Variants in RGL1 observed in about 807,000 individuals in gnomAD.
RGL1 encodes the protein ral guanine nucleotide dissociation stimulator-like 1.
A neutral mutation model predicts 95.2 loss-of-function variants in RGL1; 24 were observed. The ratio of observed to expected loss-of-function variants is 0.25; its 90% CI spans 0.18 to 0.35. The LOEUF is 0.35. RGL1 is among the 10% of genes least tolerant of loss of function. RGL1 has a pLI of 1.00. For synonymous variants in RGL1, 329 were observed against 344.9 expected (o/e 0.95, Z 0.51); for missense variants, 715 against 936.3 (o/e 0.76, Z 3.08).
intron 2 of RGL1, among the ~76,000 whole-genome samples, chr1:183,744,692 C>T (rs550453135): frequency 6.6e-6 from 1 of 152,214 alleles, no homozygotes; most frequent in East Asian, 1.9e-4. Flanking sequence ...ACTTCTACAG[C>T]TTGTTTTTTT....
intron 1 of RGL1, among the ~76,000 whole-genome samples, chr1:183,702,673 A>T (rs1654670499): frequency 6.6e-6 from 1 of 152,174 alleles, no homozygotes; most frequent in South Asian, 2.1e-4. Context: ...GATTGGTGTT[A>T]TGACTCATGG....
At chr1:183,912,867 C>T (rs557459023) in intron 15 of RGL1, among the ~76,000 whole-genome samples, 1 of 152,290 alleles carries the variant, frequency 6.6e-6, no homozygotes, top group Admixed American at 6.5e-5. Flanking sequence ...ATATGTCAAG[C>T]CTTTACTTGA....
At position 183,770,171 on chromosome 1, in the gene RGL1, G is replaced by A. The variant is rs185822083; in HGVS notation, c.132+27882G>A. Among the ~76,000 whole-genome samples, 24 of 152,242 alleles carry A rather than the reference G, an allele frequency of 1.6e-4. No homozygotes were observed. The East Asian group carries it at 4.6e-3, about 29-fold the overall frequency. ...GTTGGGCTTGTTTAACCTGCAAAAG[G>A]AAACTCCTTCAGAATTCCCCTAATT... On this transcript the variant is annotated intron_variant, in intron 2 of 18. Transcript: ENST00000304685.
At chr1:183,702,145 A>G (rs78726565) in intron 1 of RGL1, among the ~76,000 whole-genome samples, 1,889 of 152,332 alleles carry the variant, frequency 0.012, 48 homozygotes, top group African/African-American at 0.044. Context: ...TCACTAAAGT[A>G]GGACCATTGT....
At chr1:183,740,416 A>T (rs922377628) in intron 1 of RGL1, among the ~76,000 whole-genome samples, 6 of 152,220 alleles carry the variant, frequency 3.9e-5, no homozygotes, top group African/African-American at 1.4e-4. Flanking sequence ...TTACAGATGG[A>T]GCATGGGAAG....
intron 2 of RGL1, among the ~76,000 whole-genome samples, chr1:183,826,534 G>T (rs1558231748): frequency 6.6e-6 from 1 of 152,118 alleles, no homozygotes; most frequent in Non-Finnish European, 1.5e-5. Context: ...GAAGACACGT[G>T]ATTATTTGTG....
intron 2 of RGL1, among the ~76,000 whole-genome samples, chr1:183,756,288 T>C (rs1658335147): frequency 6.6e-6 from 1 of 151,876 alleles, no homozygotes; most frequent in Non-Finnish European, 1.5e-5. Flanking sequence ...AGGTAGAAAC[T>C]AGCCTGGCAA....
At chr1:183,747,015 A>C (rs190883915) in intron 2 of RGL1, among the ~76,000 whole-genome samples, 1 of 152,094 alleles carries the variant, frequency 6.6e-6, no homozygotes, top group East Asian at 1.9e-4. Flanking sequence ...ATTGTATTCC[A>C]TGGTGTATAT....
At chr1:183,899,058 G>A (rs574044862) in intron 10 of RGL1, among the ~76,000 whole-genome samples, 2 of 152,172 alleles carry the variant, frequency 1.3e-5, no homozygotes, top group African/African-American at 4.8e-5. Context: ...AATGAATATA[G>A]TGTATCCCTG....
chr1:183,887,335 A>G (rs1331243992), intron 7 of RGL1, among the ~76,000 whole-genome samples: 1 of 151,646 alleles, frequency 6.6e-6, no homozygotes, highest in Non-Finnish European at 1.5e-5. Flanking sequence ...TTTGTTTGGC[A>G]TAGTTTTCAG....
intron 4 of RGL1, among the ~76,000 whole-genome samples, chr1:183,878,717 AAT>A (rs1289428045): frequency 2.0e-5 from 3 of 152,182 alleles, no homozygotes; most frequent in Non-Finnish European, 4.4e-5. Flanking sequence ...AGAAGTGAAT[AAT>A]ATATTAGCAT....
At chr1:183,883,992 G>A in intron 6 of RGL1, 82 bp downstream of exon 6, 1 of 1,430,524 alleles carries the variant, frequency 7.0e-7, no homozygotes. Flanking sequence ...TGACAGCAGT[G>A]GGATAATGTG....
chr1:183,777,938 T>C (rs1191542179), intron 2 of RGL1, among the ~76,000 whole-genome samples: 3 of 152,186 alleles, frequency 2.0e-5, no homozygotes, highest in Non-Finnish European at 4.4e-5. Context: ...ACTGAGAAAA[T>C]TAACATCTCA....
At chr1:183,910,768 C>T (rs1332993732) in intron 14 of RGL1, among the ~76,000 whole-genome samples, 1 of 152,142 alleles carries the variant, frequency 6.6e-6, no homozygotes, top group Non-Finnish European at 1.5e-5. Context: ...CCACCTTTTT[C>T]ACTTAGAGGT....
At chr1:183,838,016 A>C (rs1166012136) in intron 2 of RGL1, among the ~76,000 whole-genome samples, 1 of 152,196 alleles carries the variant, frequency 6.6e-6, no homozygotes, top group African/African-American at 2.4e-5. Flanking sequence ...AACAGGCCAT[A>C]GACTGCTACT....
intron 1 of RGL1, among the ~76,000 whole-genome samples, chr1:183,641,562 C>T (rs912522185): frequency 1.8e-4 from 28 of 152,126 alleles, no homozygotes; most frequent in African/African-American, 6.8e-4. Context: ...GAGCCCCCCC[C>T]ACCATACCTG....
At position 183,912,123 on chromosome 1, in the gene RGL1, C is replaced by A. The variant is rs1245298411; in HGVS notation, c.1604C>A (p.Thr535Asn). The change falls in exon 15 of 18, where the codon ACC becomes AAC. Residue 535 changes from threonine (T) to asparagine (N), a missense_variant. By Grantham distance (65) the Thr-to-Asn change is moderately conservative. Coordinates refer to ENST00000360851, the MANE Select transcript of RGL1 (RefSeq NM_001297671.3). ...GACATGATCACCAGTCCCACTCCCA[C>A]CAAAGAGCAGCCCAAGTCCACTGCC... Reference protein sequence around the residue: ...GSDMITSPTPTKEQPKSTASG... With the variant: ...GSDMITSPTPNKEQPKSTASG... The A allele has an allele frequency of 6.2e-7, 1 of 1,614,098 alleles. No individual in the cohort carries two copies. The highest frequency in any genetic ancestry group is 8.5e-7 in the Non-Finnish European group (1 of 1,179,994).
At chr1:183,739,102 A>C (rs762379888) in intron 1 of RGL1, among the ~76,000 whole-genome samples, 30 of 152,238 alleles carry the variant, frequency 2.0e-4, no homozygotes, top group Non-Finnish European at 3.4e-4. Context: ...TCTTCTGAGC[A>C]TGGGGCCCTG....
chr1:183,820,003 T>A (rs1380015458), intron 2 of RGL1, among the ~76,000 whole-genome samples: 4 of 152,056 alleles, frequency 2.6e-5, no homozygotes, highest in Non-Finnish European at 5.9e-5. Flanking sequence ...CCCAAGCTTG[T>A]CTTGAACTCC....
Sources: gnomAD v4.1 joint callset for allele counts (sites outside exome capture counted in the v4.1 genomes callset) on GRCh38, gnomAD v4.1.1 for gene constraint, MANE v1.5 for transcripts, NCBI Gene and HGNC (gene_info 2026-07-23, HGNC 2026-07-21) for gene names.